HNF4A: variants seen among roughly 807,000 people sequenced by gnomAD.
HNF4A encodes hepatocyte nuclear factor 4 alpha.
A neutral mutation model predicts 52.4 loss-of-function variants in HNF4A; 15 were observed. The ratio of observed to expected loss-of-function variants is 0.29; its 90% CI spans 0.19 to 0.44. The LOEUF (loss-of-function observed/expected upper bound fraction) is 0.44, where lower values mean the gene tolerates loss of function less well. Among genes scored for constraint, HNF4A ranks in the 20% least tolerant of loss-of-function variants. HNF4A has a pLI of 1.00. For synonymous variants in HNF4A, 280 were observed against 264.4 expected (o/e 1.06, Z -0.57); for missense variants, 479 against 647.2 (o/e 0.74, Z 2.82).
upstream of HNF4A, among the ~76,000 whole-genome samples, chr20:44,396,370 T>C (rs1378005304): frequency 2.0e-5 from 3 of 152,106 alleles, no homozygotes; most frequent in African/African-American, 7.2e-5. Context: ...AACAATGTGG[T>C]TCGTAGTGGC....
At chr20:44,384,168 T>G (rs1039579171) in intron 1 of HNF4A, among the ~76,000 whole-genome samples, 1 of 68,942 alleles carries the variant, frequency 1.5e-5, no homozygotes, top group Admixed American at 1.1e-4. Context: ...CCTTTTTTTT[T>G]TTTTTTTTTT....
At chr20:44,370,567 T>C (rs1308882843) in intron 1 of HNF4A, among the ~76,000 whole-genome samples, 1 of 152,206 alleles carries the variant, frequency 6.6e-6, no homozygotes, top group Non-Finnish European at 1.5e-5. Context: ...TCTACAGCGC[T>C]GAAATTACGT....
intron 1 of HNF4A, among the ~76,000 whole-genome samples, chr20:44,390,872 A>G (rs1378160842): frequency 1.3e-5 from 2 of 152,156 alleles, no homozygotes; most frequent in East Asian, 3.9e-4. Context: ...GACGACCTCA[A>G]CAAGGTGAGA....
At position 44,424,269 on chromosome 20, in the gene HNF4A, C is replaced by A; in HGVS notation, c.1129+15C>A. The A allele has an allele frequency of 1.2e-6, 2 of 1,613,440 alleles. No homozygotes were observed. Among genetic ancestry groups the A allele is most frequent in the Non-Finnish European group, 1.7e-6 (2 of 1,179,828 alleles). ...GCTGCTGGGAGGTCCGTGCCAAGCC[C>A]AGGAGGGGCGGGGTTGGAGTGGGGA... On this transcript the variant is annotated intron_variant, in intron 8 of 9. Coordinates refer to ENST00000316099, the MANE Select transcript of HNF4A (RefSeq NM_000457.6).
At chr20:44,384,601 A>G (rs547366632) in intron 1 of HNF4A, 2 of 152,322 alleles carry the variant, frequency 1.3e-5, no homozygotes, top group South Asian at 2.1e-4. Context: ...TGCTTCCCCA[A>G]CAAGGGCAGC....
intron 1 of HNF4A, among the ~76,000 whole-genome samples, chr20:44,390,106 T>C (rs1220911704): frequency 1.3e-5 from 2 of 152,128 alleles, no homozygotes; most frequent in Non-Finnish European, 2.9e-5. Context: ...CGGCTAAGTT[T>C]ACAGTCGTGG....
rs1600758788 is a variant in HNF4A at position 44,432,356 on chromosome 20, T to C, written c.*2691T>C. 1 of 143,360 alleles carries C rather than the reference T, an allele frequency of 7.0e-6. No individual in the cohort carries two copies. The highest frequency in any genetic ancestry group is 2.6e-5 in the African/African-American group (1 of 38,688). The allele number at this position is 143,360 out of a possible 1,614,324, so 8.9% of individuals were successfully genotyped here. A position where few individuals can be genotyped will look rare whatever the true frequency, so the allele number is the denominator to read the frequency against. On this transcript the variant is annotated 3_prime_UTR_variant, in exon 10 of 10. Coordinates refer to ENST00000316099, the MANE Select transcript of HNF4A (RefSeq NM_000457.6). ...AATCTCTCGCTCTCTTTTTTTTTTTTTTTTTTTTTTTTGGCTACTTGAGTT... is the reference window on the plus strand; with the variant it reads ...AATCTCTCGCTCTCTTTTTTTTTTTCTTTTTTTTTTTTGGCTACTTGAGTT...
chr20:44,396,179 G>A (rs1388565728), intron 1 of HNF4A, among the ~76,000 whole-genome samples: 1 of 152,168 alleles, frequency 6.6e-6, no homozygotes, highest in Non-Finnish European at 1.5e-5. Context: ...CTTACGAGCT[G>A]TGTGGCTTTG....
chr20:44,377,260 G>C (rs2063095679), intron 1 of HNF4A, among the ~76,000 whole-genome samples: 1 of 152,050 alleles, frequency 6.6e-6, no homozygotes, highest in Non-Finnish European at 1.5e-5. Flanking sequence ...ATAAAGATGG[G>C]AACAATAGGC....
chr20:44,420,825 A>T (rs2063734348), intron 7 of HNF4A, among the ~76,000 whole-genome samples: 1 of 151,898 alleles, frequency 6.6e-6, no homozygotes, highest in South Asian at 2.1e-4. Context: ...CTAAAAAATA[A>T]TAATAAATAA....
chr20:44,388,377 C>T (rs918489405), intron 1 of HNF4A, among the ~76,000 whole-genome samples: 1 of 115,216 alleles, frequency 8.7e-6, no homozygotes, highest in African/African-American at 4.7e-5. Flanking sequence ...CAAAGACCCC[C>T]CCCACCCCCG....
At position 44,424,917 on chromosome 20, in the gene HNF4A, C is replaced by T. The variant is rs553300677; in HGVS notation, c.1129+663C>T. 9.2e-5 allele frequency among the ~76,000 whole-genome samples: 14 copies of T among 152,288 alleles called. 1 individual carries two copies. In the South Asian group the frequency reaches 2.3e-3, roughly 25 times the overall value. The stretch of plus-strand genomic sequence containing the variant: ...CCAAATCATAAACATATGGCTTTGT[C>T]AGCCTTTTCAGAAATTTGGATTTTA... On this transcript the variant is annotated intron_variant, in intron 8 of 9. Coordinates refer to ENST00000316099, the MANE Select transcript of HNF4A (RefSeq NM_000457.6).
chr20:44,384,506 CAA>C (rs1371666071), intron 1 of HNF4A: 1 of 152,138 alleles, frequency 6.6e-6, no homozygotes, highest in Non-Finnish European at 1.5e-5. Flanking sequence ...GTTTGAACAG[CAA>C]AGTTAATTGC....
upstream of HNF4A, chr20:44,401,110 CAACA>C: frequency 1.4e-6 from 1 of 696,804 alleles, no homozygotes; most frequent in Non-Finnish European, 1.8e-6. Context: ...AGCCAGAAAC[CAACA>C]AACAGCCAAA....
At chr20:44,357,198 C>T (rs2062868349) in intron 1 of HNF4A, among the ~76,000 whole-genome samples, 1 of 152,134 alleles carries the variant, frequency 6.6e-6, no homozygotes. Flanking sequence ...GCTGAAGAAA[C>T]CAACAGCCTG....
intron 4 of HNF4A, among the ~76,000 whole-genome samples, 169 bp downstream of exon 4, chr20:44,413,969 G>C (rs1287159283): frequency 6.6e-6 from 1 of 152,176 alleles, no homozygotes; most frequent in African/African-American, 2.4e-5. Flanking sequence ...TTTGCAGCAA[G>C]GGCAGGAATC....
At chr20:44,415,114 A>G (rs1285831447) in intron 5 of HNF4A, among the ~76,000 whole-genome samples, 1 of 152,152 alleles carries the variant, frequency 6.6e-6, no homozygotes, top group African/African-American at 2.4e-5. Flanking sequence ...TTGTCTGCCT[A>G]ATCCTGGGCA....
At chr20:44,405,185 T>C (rs1600705735) in intron 1 of HNF4A, among the ~76,000 whole-genome samples, 1 of 151,628 alleles carries the variant, frequency 6.6e-6, no homozygotes, top group East Asian at 1.9e-4. Context: ...TTTGTCATCT[T>C]CTTCAAAGGG....
At chr20:44,401,625 G>T (rs1286544774) in intron 1 of HNF4A, 11 of 1,112,452 alleles carry the variant, frequency 9.9e-6, no homozygotes, top group Admixed American at 2.0e-5. Flanking sequence ...GCCAGCACAG[G>T]TGTTGCCAAG....
Sources: gnomAD v4.1 joint callset for allele counts (sites outside exome capture counted in the v4.1 genomes callset) on GRCh38, gnomAD v4.1.1 for gene constraint, MANE v1.5 for transcripts, NCBI Gene and HGNC (gene_info 2026-07-23, HGNC 2026-07-21) for gene names.